Variants in PROK1 observed in about 807,000 individuals in gnomAD.
The protein encoded by PROK1 is prokineticin 1, also known as prokineticin-1.
A neutral mutation model predicts 8.8 loss-of-function variants in PROK1; 10 were observed. The observed-to-expected ratio is 1.13, with a 90% CI of 0.70 to 1.92. PROK1 has a LOEUF of 1.92. Among genes scored for constraint, PROK1 ranks in the 30% most tolerant of loss-of-function variants. PROK1 has a pLI of 0.00. For synonymous variants in PROK1, 57 were observed against 56.0 expected, an observed-to-expected ratio of 1.02 and a Z score of -0.08; for missense variants, 140 against 139.7, an observed-to-expected ratio of 1.00 and a Z score of -0.01.
intron 1 of PROK1, among the ~76,000 whole-genome samples, chr1:110,452,602 T>A (rs1329635946): frequency 2.0e-5 from 3 of 152,088 alleles, no homozygotes; most frequent in Admixed American, 6.5e-5. Context: ...ATTTTCACGG[T>A]GAAAAGCACA....
At chr1:110,454,970 T>C (rs1346919988) in intron 2 of PROK1, among the ~76,000 whole-genome samples, 1 of 152,198 alleles carries the variant, frequency 6.6e-6, no homozygotes, top group Non-Finnish European at 1.5e-5. Context: ...ACATAGCTCC[T>C]GCCTTGCTCC....
rs758246302 is a variant in PROK1 at position 110,456,256 on chromosome 1, C to T, written c.223C>T (p.His75Tyr). Reference protein sequence around the residue: ...HKVPFFRKRKHHTCPCLPNLL... With the variant: ...HKVPFFRKRKYHTCPCLPNLL... ...GGTCCCCTTCTTCAGGAAACGCAAG[C>T]ACCACACCTGTCCTTGCTTGCCCAA... Residue 75 changes from histidine (H) to tyrosine (Y), a missense_variant, in exon 3 of 3, where the codon CAC becomes TAC. Transcript: ENST00000271331. 4 of 1,613,616 alleles carry T rather than the reference C, an allele frequency of 2.5e-6. No individual in the cohort carries two copies. In the Admixed American group the frequency reaches 6.7e-5, roughly 27 times the overall value.
intron 1 of PROK1, among the ~76,000 whole-genome samples, chr1:110,452,788 G>A (rs1166456315): frequency 6.6e-6 from 1 of 152,178 alleles, no homozygotes; most frequent in Non-Finnish European, 1.5e-5. Context: ...ACACTCCCCT[G>A]CTCCCTGGAC....
At chr1:110,453,860 C>T (rs768652196) in intron 1 of PROK1, 101 bp from the exon 2 acceptor site, 17 of 1,513,720 alleles carry the variant, frequency 1.1e-5, no homozygotes, top group Non-Finnish European at 1.5e-5. Flanking sequence ...CTCTCAGCCT[C>T]TTCTTGCTCC....
chr1:110,456,693 C>T lies in PROK1; in HGVS notation c.*342C>T. On this transcript the variant is annotated 3_prime_UTR_variant, in exon 3 of 3. Coordinates refer to ENST00000271331, the MANE Select transcript of PROK1 (RefSeq NM_032414.3). ...GCTCTCTTTCCTGGGCCCTGCCCCT[C>T]TCCCCACATGTATCCCTCGGTCTGA... is the stretch of plus-strand genomic sequence containing the variant. 2.6e-6 allele frequency: 1 copy of T among 383,420 alleles called. No individual in the cohort carries two copies. The allele number at this position is 383,420 out of a possible 1,614,324, so 23.8% of individuals were successfully genotyped here.
In PROK1 at chr1:110,456,450, C is replaced by T. The variant is rs575221867; in HGVS notation, c.*99C>T. ...CCCAGCTCCCATGACTCTCCCAGTCCCTACACTGACTACCCTGATCTCTCT... is the reference window on the plus strand; with the variant it reads ...CCCAGCTCCCATGACTCTCCCAGTCTCTACACTGACTACCCTGATCTCTCT... On this transcript the variant is annotated 3_prime_UTR_variant, in exon 3 of 3. Transcript: ENST00000271331. 9 of 1,419,416 alleles carry T rather than the reference C, an allele frequency of 6.3e-6. No individual in the cohort carries two copies. The Admixed American group carries it at 1.2e-4, about 19-fold the overall frequency. 87.9% of individuals were successfully genotyped at this position (1,419,416 alleles called of 1,614,324 possible).
chr1:110,454,037 G>A lies in PROK1; in HGVS notation c.149G>A (p.Cys50Tyr). 6.2e-7 allele frequency: 1 copy of A among 1,614,144 alleles called. No individual in the cohort carries two copies. Among genetic ancestry groups the A allele is most frequent in the Non-Finnish European group, 8.5e-7 (1 of 1,180,022 alleles). ...CTGTGGCTTCGAGGGCTGCGGATGT[G>A]CACCCCGCTGGGGCGGGAAGGCGAG... Reference protein sequence around the residue: ...ISLWLRGLRMCTPLGREGEEC... With the variant: ...ISLWLRGLRMYTPLGREGEEC... The change falls in exon 2 of 3, where the codon TGC (cysteine) becomes TAC (tyrosine). Residue 50 changes from cysteine to tyrosine, a missense_variant. Coordinates refer to ENST00000271331, the MANE Select transcript of PROK1 (RefSeq NM_032414.3).
chr1:110,454,033 A>C lies in PROK1; in HGVS notation c.145A>C (p.Met49Leu), dbSNP rs764406554. The C allele has an allele frequency of 1.2e-6, 2 of 1,614,102 alleles. No individual in the cohort carries two copies. Among genetic ancestry groups the C allele is most frequent in the South Asian group, 2.2e-5 (2 of 91,076 alleles). Residue 49 changes from methionine (M) to leucine (L), a missense_variant, in exon 2 of 3, where the codon ATG (methionine) becomes CTG (leucine). By Grantham distance (15) the Met-to-Leu change is conservative. Transcript: ENST00000271331. ...CAGCCTGTGGCTTCGAGGGCTGCGG[A>C]TGTGCACCCCGCTGGGGCGGGAAGG... ...AISLWLRGLR[M>L]CTPLGREGEE...
chr1:110,454,687 C>G lies in PROK1; in HGVS notation c.198+601C>G, dbSNP rs962449054. 3.9e-5 allele frequency among the ~76,000 whole-genome samples: 6 copies of G among 152,282 alleles called. No individual in the cohort carries two copies. In the South Asian group the frequency reaches 1.2e-3, roughly 32 times the overall value. The stretch of plus-strand genomic sequence containing the variant: ...GTTAAACAAGCTGGGCATTCCCAGC[C>G]CCTAATTTGCTGTGTGGACTTGGGC... On this transcript the variant is annotated intron_variant, in intron 2 of 2. Transcript: ENST00000271331.
At chr1:110,456,106 G>T (rs1052050389) in intron 2 of PROK1, 126 bp from the exon 3 acceptor site, 2 of 981,922 alleles carry the variant, frequency 2.0e-6, no homozygotes, top group African/African-American at 3.2e-5. Context: ...GTTGTGCTAG[G>T]TGCAGTGGAG....
At chr1:110,452,563 G>A (rs1423342928) in intron 1 of PROK1, among the ~76,000 whole-genome samples, 1 of 152,190 alleles carries the variant, frequency 6.6e-6, no homozygotes. Context: ...TGACAGCAGG[G>A]CAGGCAGATC....
In PROK1 at chr1:110,452,490, C is replaced by T. The variant is rs572538290; in HGVS notation, c.72+1202C>T. Among the ~76,000 whole-genome samples the T allele has an allele frequency of 1.1e-4, 17 of 152,352 alleles. No individual in the cohort carries two copies. The East Asian group carries it at 2.1e-3, about 19-fold the overall frequency. On this transcript the variant is annotated intron_variant, in intron 1 of 2. Coordinates refer to ENST00000271331, the MANE Select transcript of PROK1 (RefSeq NM_032414.3). ...TGCTGCGCGGTGAGGGCAGGAGCAG[C>T]GTGGTTGGCCTGGATGCCAGGCTTG...
At chr1:110,454,840 G>T (rs1664144481) in intron 2 of PROK1, among the ~76,000 whole-genome samples, 2 of 152,198 alleles carry the variant, frequency 1.3e-5, no homozygotes, top group African/African-American at 4.8e-5. Context: ...TGCTCTGTAA[G>T]AACTTCCCTT....
chr1:110,453,764 C>G (rs574050357), intron 1 of PROK1, among the ~76,000 whole-genome samples, 197 bp from the exon 2 acceptor site: 1 of 152,338 alleles, frequency 6.6e-6, no homozygotes, highest in East Asian at 1.9e-4. Flanking sequence ...TCCAATGCCC[C>G]CCTGAGCCCT....
At chr1:110,453,289 G>C (rs562524244) in intron 1 of PROK1, among the ~76,000 whole-genome samples, 1 of 152,210 alleles carries the variant, frequency 6.6e-6, no homozygotes, top group Non-Finnish European at 1.5e-5. Context: ...CATGTTAAAT[G>C]TGAGCTTATT....
At chr1:110,451,565 G>C (rs1238907354) in intron 1 of PROK1, among the ~76,000 whole-genome samples, 2 of 152,070 alleles carry the variant, frequency 1.3e-5, no homozygotes, top group Non-Finnish European at 2.9e-5. Flanking sequence ...TCAGTCCTTT[G>C]GTAAAGTGAA....
In PROK1 at chr1:110,456,235, C is replaced by G; in HGVS notation, c.202C>G (p.Pro68Ala). 1 of 1,612,652 alleles carries G rather than the reference C, an allele frequency of 6.2e-7. No individual in the cohort carries two copies. Residue 68 changes from proline to alanine, a missense_variant, in exon 3 of 3, where the codon CCC (proline) becomes GCC (alanine). Physicochemically the swap from Pro to Ala is conservative, Grantham distance 27. Coordinates refer to ENST00000271331, the MANE Select transcript of PROK1 (RefSeq NM_032414.3). Reference sequence around the variant, plus strand: ...TGTTGATTTCTTCTCTCCTTAGGTCCCCTTCTTCAGGAAACGCAAGCACCA... The same window carrying G: ...TGTTGATTTCTTCTCTCCTTAGGTCGCCTTCTTCAGGAAACGCAAGCACCA... ...EECHPGSHKV[P>A]FFRKRKHHTC...
In PROK1 at chr1:110,456,853, C is replaced by T. The variant is rs951936740; in HGVS notation, c.*502C>T. 2.8e-5 allele frequency: 6 copies of T among 210,788 alleles called. No homozygotes were observed. Among genetic ancestry groups the T allele is most frequent in the African/African-American group, 1.4e-4 (6 of 43,846 alleles). The allele number at this position is 210,788 out of a possible 1,614,324, so 13.1% of individuals were successfully genotyped here. ...TTCATCTTCCCTCGATTGGTTAACT[C>T]CTTAGTTTCAGACCACAGACTCAAG... On this transcript the variant is annotated 3_prime_UTR_variant, in exon 3 of 3. Coordinates refer to ENST00000271331, the MANE Select transcript of PROK1 (RefSeq NM_032414.3).
chr1:110,454,759 C>A (rs1664143302), intron 2 of PROK1, among the ~76,000 whole-genome samples: 1 of 152,192 alleles, frequency 6.6e-6, no homozygotes. Flanking sequence ...ATGAGTGGAG[C>A]AAACTCACTA....
Sources: allele counts gnomAD v4.1 joint callset (sites outside exome capture counted in the v4.1 genomes callset), GRCh38; gene constraint gnomAD v4.1.1; transcripts MANE v1.5; gene names NCBI Gene and HGNC (gene_info 2026-07-23, HGNC 2026-07-21).